Variants in BICRA observed in about 807,000 individuals in gnomAD.
The protein encoded by BICRA is BRD4 interacting chromatin remodeling complex associated protein, also known as BRD4-interacting chromatin-remodeling complex-associated protein.
Under a neutral mutation model 96.9 loss-of-function variants are expected in BICRA, and 31 were observed. That is an observed-to-expected ratio of 0.32 (90% CI 0.24 to 0.43). The LOEUF (loss-of-function observed/expected upper bound fraction) is 0.43, where lower values mean the gene tolerates loss of function less well. Ranked by LOEUF, BICRA falls within the 20% of genes least tolerant of loss-of-function variation. The pLI is 1.00. For synonymous variants in BICRA, 1,350 were observed against 1,071.8 expected (o/e 1.26, Z -5.07); for missense variants, 2,283 against 2,190.3 (o/e 1.04, Z -0.84).
chr19:47,685,069 A>C (rs1456035062), intron 7 of BICRA, among the ~76,000 whole-genome samples: 1 of 152,072 alleles, frequency 6.6e-6, no homozygotes, highest in Non-Finnish European at 1.5e-5. Context: ...TCCCATGCTT[A>C]AGTGATCCTC....
At chr19:47,616,712 C>T (rs28435282) in intron 1 of BICRA, among the ~76,000 whole-genome samples, 71,086 of 151,584 alleles carry the variant, frequency 0.47, 17,016 homozygotes, top group East Asian at 0.53. Flanking sequence ...AGAGCTTCCC[C>T]GCTTTGGGTG....
intron 1 of BICRA, among the ~76,000 whole-genome samples, chr19:47,611,447 G>A (rs1218239145): frequency 1.3e-5 from 2 of 152,110 alleles, no homozygotes. Context: ...TGATGGGCTC[G>A]GGGTACCTGG....
At chr19:47,697,568 C>T (rs1293657782) in intron 11 of BICRA, among the ~76,000 whole-genome samples, 1 of 152,092 alleles carries the variant, frequency 6.6e-6, no homozygotes. Context: ...ACCTCTGCCT[C>T]CTGGGTTCAA....
chr19:47,699,082 C>T lies in BICRA; in HGVS notation c.3492+23C>T, dbSNP rs1324676562. ...CGGGTAGGGTCAGAGTCGCCTTCCT[C>T]GCCTCTGGGCTCCTCCTCGCTGGGA... On this transcript the variant is annotated intron_variant, in intron 13 of 14. Transcript: ENST00000594866. The surrounding 1 kb of genome is among the most constrained non-coding windows in gnomAD (Gnocchi z 5.0). 21 of 1,441,732 alleles carry T rather than the reference C, an allele frequency of 1.5e-5. No individual in the cohort carries two copies. The Admixed American group carries it at 2.5e-4, about 17-fold the overall frequency. 89.3% of individuals were successfully genotyped at this position (1,441,732 alleles called of 1,614,324 possible).
At chr19:47,656,070 AC>A (rs1972613035) in intron 1 of BICRA, among the ~76,000 whole-genome samples, 1 of 9,736 alleles carries the variant, frequency 1.0e-4, no homozygotes, top group African/African-American at 7.7e-4. Context: ...TCCTGTCTCG[AC>A]ACACACACAC....
intron 1 of BICRA, among the ~76,000 whole-genome samples, chr19:47,651,233 C>T (rs1453123071): frequency 6.6e-6 from 1 of 152,138 alleles, no homozygotes; most frequent in Non-Finnish European, 1.5e-5. Flanking sequence ...CTGGGCTCAC[C>T]TGGAATAAAA....
intron 2 of BICRA, among the ~76,000 whole-genome samples, chr19:47,672,309 T>G (rs1260413271): frequency 4.7e-5 from 5 of 105,486 alleles, no homozygotes; most frequent in Admixed American, 1.9e-4. Flanking sequence ...GAAGGATGGG[T>G]AGGTAGATGG....
chr19:47,612,372 T>G (rs1442871098), intron 1 of BICRA, among the ~76,000 whole-genome samples: 1 of 151,296 alleles, frequency 6.6e-6, no homozygotes, highest in African/African-American at 2.4e-5. Context: ...GCCGTGATTG[T>G]GCCACTGCTC....
chr19:47,660,518 A>T (rs1213062964), intron 1 of BICRA, among the ~76,000 whole-genome samples: 1 of 152,182 alleles, frequency 6.6e-6, no homozygotes, highest in Non-Finnish European at 1.5e-5. Flanking sequence ...TTGGAAATAC[A>T]TCCTAAGAGC....
At chr19:47,626,784 T>A (rs1331810595) in intron 1 of BICRA, among the ~76,000 whole-genome samples, 1 of 145,756 alleles carries the variant, frequency 6.9e-6, no homozygotes, top group Non-Finnish European at 1.5e-5. Flanking sequence ...TGCAATGGCG[T>A]GATCTCAGCT....
chr19:47,628,605 C>T (rs1972174475), intron 1 of BICRA, among the ~76,000 whole-genome samples: 1 of 152,080 alleles, frequency 6.6e-6, no homozygotes, highest in South Asian at 2.1e-4. Flanking sequence ...CCAAAGGTGA[C>T]CTCTGTGGGG....
At chr19:47,611,720 G>T (rs1002105595) in intron 1 of BICRA, among the ~76,000 whole-genome samples, 1 of 152,134 alleles carries the variant, frequency 6.6e-6, no homozygotes, top group Admixed American at 6.5e-5. Flanking sequence ...TGCTGGTCCT[G>T]TTTTCTCATC....
chr19:47,610,619 A>C (rs138962575), intron 1 of BICRA, among the ~76,000 whole-genome samples: 3,420 of 107,686 alleles, frequency 0.032, 69 homozygotes, highest in African/African-American at 0.098. Context: ...CCCCCCCCCC[A>C]CACACACACC....
intron 1 of BICRA, among the ~76,000 whole-genome samples, chr19:47,618,055 CTG>C (rs1331208994): frequency 6.6e-6 from 1 of 152,128 alleles, no homozygotes; most frequent in Non-Finnish European, 1.5e-5. Flanking sequence ...CTTTTTGGGA[CTG>C]TGGTGAATTC....
Position 47,699,448 on chromosome 19 carries a change from C to T in BICRA, c.3595+43C>T, listed in dbSNP as rs1309217746. On this transcript the variant is annotated intron_variant, in intron 14 of 14. Transcript: ENST00000594866. The surrounding 1 kb of genome is among the most constrained non-coding windows in gnomAD (Gnocchi z 5.0). ...GAGGGGAGGGGAGGGAGAGGTGCCC[C>T]CACCCCACCTGGGCAGAAGAGTTAG... is the stretch of plus-strand genomic sequence containing the variant. The T allele has an allele frequency of 1.8e-6, 2 of 1,111,710 alleles. No individual in the cohort carries two copies. Among genetic ancestry groups the T allele is most frequent in the East Asian group, 2.6e-5 (1 of 38,968 alleles). The allele number at this position is 1,111,710 out of a possible 1,614,324, so 68.9% of individuals were successfully genotyped here.
chr19:47,619,062 TG>T (rs1462367985), intron 1 of BICRA, among the ~76,000 whole-genome samples: 1 of 152,166 alleles, frequency 6.6e-6, no homozygotes, highest in East Asian at 1.9e-4. Flanking sequence ...GAGTTCTCCC[TG>T]GGAGAAGTCT....
intron 2 of BICRA, among the ~76,000 whole-genome samples, chr19:47,671,496 T>C (rs1972860689): frequency 1.3e-5 from 2 of 152,082 alleles, no homozygotes; most frequent in African/African-American, 4.8e-5. Context: ...TTCCATTGTG[T>C]ATTGTATGTG....
At chr19:47,664,977 G>T (rs1183025027) in intron 1 of BICRA, among the ~76,000 whole-genome samples, 1 of 152,296 alleles carries the variant, frequency 6.6e-6, no homozygotes, top group South Asian at 2.1e-4. Context: ...TCTCCAGGGT[G>T]CTGGTGACAA....
At chr19:47,660,402 T>C (rs1335425564) in intron 1 of BICRA, among the ~76,000 whole-genome samples, 2 of 152,218 alleles carry the variant, frequency 1.3e-5, no homozygotes, top group African/African-American at 4.8e-5. Context: ...TCTAATTATG[T>C]CTACAAAGAC....
Sources: gnomAD v4.1 joint callset for allele counts (sites outside exome capture counted in the v4.1 genomes callset) on GRCh38, gnomAD v4.1.1 for gene constraint, Gnocchi (gnomAD v3.1) non-coding constraint, MANE v1.5 for transcripts, NCBI Gene and HGNC (gene_info 2026-07-23, HGNC 2026-07-21) for gene names.